PLXNA2: variants seen among roughly 807,000 people sequenced by gnomAD.
The protein encoded by PLXNA2 is plexin-A2.
PLXNA2 carries 91 observed loss-of-function variants against 193.5 expected under a neutral mutation model. That is an observed-to-expected ratio of 0.47 (90% confidence interval 0.40 to 0.56). The LOEUF is 0.56. PLXNA2 is among the 20% of genes least tolerant of loss of function. The pLI, the probability that PLXNA2 is intolerant of heterozygous loss-of-function variation, is 0.00. For missense variants in PLXNA2, 1,995 were observed against 2,503.2 expected (o/e 0.80, Z 4.33); for synonymous variants, 997 against 1,027.3 (o/e 0.97, Z 0.56).
intron 1 of PLXNA2, among the ~76,000 whole-genome samples, chr1:208,235,986 C>A (rs1671839257): frequency 6.6e-6 from 1 of 152,106 alleles, no homozygotes; most frequent in Admixed American, 6.5e-5. Flanking sequence ...AGTGAAGGGA[C>A]TTGTTAGAAA....
In PLXNA2 at chr1:208,051,078, T is replaced by A; in HGVS notation, c.3186A>T (p.Thr1062=). 1 of 1,614,118 alleles carries A rather than the reference T, an allele frequency of 6.2e-7. No homozygotes were observed. The highest frequency in any genetic ancestry group is 8.5e-7 in the Non-Finnish European group (1 of 1,179,962). ...CCTGAATGACATCCAGGTTGAAGCC[T>A]GTGATGGTCAGGGGTGTGTGGCCAC... The part of the protein sequence containing the change: ...IASGHTPLTI[T]GFNLDVIQEP... Residue 1062 remains threonine (T), a synonymous_variant, in exon 17 of 32, where the codon ACA becomes ACT. Transcript: ENST00000367033.
rs964521679 is a variant in PLXNA2 at position 208,082,193 on chromosome 1, G to A, written c.2395+219C>T. Among the ~76,000 whole-genome samples the A allele has an allele frequency of 5.3e-5, 8 of 152,182 alleles. No individual in the cohort carries two copies. The highest frequency in any genetic ancestry group is 8.8e-5 in the Non-Finnish European group (6 of 68,036). On this transcript the variant is annotated intron_variant, in intron 11 of 31. Transcript: ENST00000367033. The surrounding 1 kb of genome is among the most constrained non-coding windows in gnomAD (Gnocchi z 4.2). ...AGCCAAAGAATAACGTGGATGGGCC[G>A]GCGGCCGCCCAGCGGATGCTCTGGT...
intron 12 of PLXNA2, among the ~76,000 whole-genome samples, chr1:208,069,691 G>C (rs1665919749): frequency 6.6e-6 from 1 of 152,156 alleles, no homozygotes; most frequent in Non-Finnish European, 1.5e-5. Context: ...GGGCTTATCG[G>C]GGCAGAGGAG....
chr1:208,232,509 T>C (rs938535695), intron 1 of PLXNA2, among the ~76,000 whole-genome samples: 1 of 152,230 alleles, frequency 6.6e-6, no homozygotes, highest in Non-Finnish European at 1.5e-5. Context: ...TTCTTTATTT[T>C]TAACACTGAC....
chr1:208,181,981 G>A (rs1669856508), intron 3 of PLXNA2, among the ~76,000 whole-genome samples: 1 of 152,142 alleles, frequency 6.6e-6, no homozygotes, highest in African/African-American at 2.4e-5. Flanking sequence ...TGCTCTAGCT[G>A]CTATACAAAC....
intron 2 of PLXNA2, among the ~76,000 whole-genome samples, chr1:208,216,329 C>T (rs1235362051): frequency 6.6e-6 from 1 of 152,172 alleles, no homozygotes; most frequent in Non-Finnish European, 1.5e-5. Flanking sequence ...TGCCTCTCCC[C>T]CTTTCCTGTT....
intron 2 of PLXNA2, among the ~76,000 whole-genome samples, chr1:208,210,742 A>G (rs1036836583): frequency 7.9e-5 from 12 of 152,186 alleles, no homozygotes; most frequent in African/African-American, 2.7e-4. Flanking sequence ...ACCAGGATCA[A>G]TTTGTAAAGC....
chr1:208,084,077 A>G (rs980041087), intron 10 of PLXNA2, among the ~76,000 whole-genome samples: 2 of 152,222 alleles, frequency 1.3e-5, no homozygotes, highest in African/African-American at 4.8e-5. Flanking sequence ...ACATACACCT[A>G]CTGTGTTCTC....
chr1:208,191,157 C>G (rs1670165267), intron 3 of PLXNA2, among the ~76,000 whole-genome samples: 1 of 152,224 alleles, frequency 6.6e-6, no homozygotes, highest in South Asian at 2.1e-4. Flanking sequence ...CCCCAAGAAC[C>G]TTGTTCTTTG....
chr1:208,051,498 C>A lies in PLXNA2; in HGVS notation c.2994-75G>T. The stretch of plus-strand genomic sequence containing the variant: ...AGGTGCCCACTGGCTTGACAAGGGG[C>A]TTTCCTTGGTCTGCGGGTAAGGCCA... On this transcript the variant is annotated intron_variant, in intron 15 of 31. Coordinates refer to ENST00000367033, the MANE Select transcript of PLXNA2 (RefSeq NM_025179.4). The A allele has an allele frequency of 8.6e-6, 11 of 1,279,688 alleles. No homozygotes were observed. In the South Asian group the frequency reaches 1.2e-4, roughly 14 times the overall value. 79.3% of individuals were successfully genotyped at this position (1,279,688 alleles called of 1,614,324 possible). A position where few individuals can be genotyped will look rare whatever the true frequency, so the allele number is the denominator to read the frequency against.
intron 1 of PLXNA2, among the ~76,000 whole-genome samples, chr1:208,220,412 A>G (rs552597697): frequency 4.6e-5 from 7 of 152,068 alleles, no homozygotes; most frequent in Non-Finnish European, 1.0e-4. Flanking sequence ...CACAGTGAGC[A>G]CTTAACTTAT....
At chr1:208,056,790 C>T (rs752570390) in intron 13 of PLXNA2, among the ~76,000 whole-genome samples, 3 of 152,152 alleles carry the variant, frequency 2.0e-5, no homozygotes, top group Admixed American at 6.5e-5. Context: ...ATCAGCCGAG[C>T]CCCCTTCTCA....
At chr1:208,135,179 C>T (rs1412689758) in intron 4 of PLXNA2, among the ~76,000 whole-genome samples, 2 of 152,140 alleles carry the variant, frequency 1.3e-5, no homozygotes, top group Admixed American at 1.3e-4. Flanking sequence ...GGGGGTCTCT[C>T]CTGCATTTAA....
intron 3 of PLXNA2, among the ~76,000 whole-genome samples, chr1:208,201,513 C>G (rs568152031): frequency 1.6e-4 from 25 of 152,210 alleles, no homozygotes; most frequent in South Asian, 8.3e-4. Context: ...GAGTAGGGGA[C>G]AGGATTCTCT....
chr1:208,209,983 A>AATTTTTTTTTTTTTTTTTTTTTTTTTG (rs34413554), intron 3 of PLXNA2: 1 of 87,322 alleles, frequency 1.1e-5, no homozygotes, highest in Non-Finnish European at 2.1e-5. Context: ...ATGAAGAGCA[A>AATTTTTTTTTTTTTTTTTTTTTTTTTG]TTTTTTTTTT....
intron 3 of PLXNA2, among the ~76,000 whole-genome samples, chr1:208,202,411 G>A (rs935307): frequency 6.6e-6 from 1 of 152,152 alleles, no homozygotes; most frequent in Non-Finnish European, 1.5e-5. Context: ...TTATGATGCC[G>A]GTACCAGAAC....
At chr1:208,159,650 G>A (rs1318124294) in intron 3 of PLXNA2, among the ~76,000 whole-genome samples, 5 of 152,196 alleles carry the variant, frequency 3.3e-5, no homozygotes, top group African/African-American at 7.2e-5. Flanking sequence ...CTACCGTGAC[G>A]CCCACTTGCA....
intron 4 of PLXNA2, among the ~76,000 whole-genome samples, chr1:208,135,925 G>A (rs928423653): frequency 6.6e-6 from 1 of 152,142 alleles, no homozygotes; most frequent in East Asian, 1.9e-4. Flanking sequence ...ACAAAAAGGC[G>A]ATGCAATTTC....
chr1:208,168,286 A>G (rs1669372989), intron 3 of PLXNA2, among the ~76,000 whole-genome samples: 1 of 152,332 alleles, frequency 6.6e-6, no homozygotes, highest in African/African-American at 2.4e-5. Context: ...CTGTCCAGAG[A>G]AGAGGAATGG....
Sources: allele counts gnomAD v4.1 joint callset (sites outside exome capture counted in the v4.1 genomes callset), GRCh38; gene constraint gnomAD v4.1.1; non-coding constraint Gnocchi (gnomAD v3.1); transcripts MANE v1.5; gene names NCBI Gene and HGNC (gene_info 2026-07-23, HGNC 2026-07-21).